The following SEMA5A variants were observed in gnomAD, a reference collection of about 807,000 sequenced individuals.
SEMA5A encodes the protein semaphorin-5A.
In SEMA5A, 55 loss-of-function variants were observed where a neutral mutation model predicts 135.5. That is an observed-to-expected ratio of 0.41 (90% CI 0.33 to 0.51). The LOEUF is 0.51. SEMA5A is among the 20% of genes least tolerant of loss of function. SEMA5A has a pLI of 0.37. For missense variants in SEMA5A, 1,290 were observed against 1,419.9 expected (o/e 0.91, Z 1.47); for synonymous variants, 580 against 546.5 (o/e 1.06, Z -0.85).
intron 3 of SEMA5A, among the ~76,000 whole-genome samples, chr5:9,352,332 A>G (rs1287716479): frequency 6.6e-6 from 1 of 151,718 alleles, no homozygotes; most frequent in East Asian, 1.9e-4. Context: ...ATTTGTATCT[A>G]TCTATCCATC....
In SEMA5A at chr5:9,535,645, A is replaced by G. The variant is rs185671306; in HGVS notation, c.-175+9939T>C. 5.5e-4 allele frequency among the ~76,000 whole-genome samples: 84 copies of G among 152,234 alleles called. No individual in the cohort carries two copies. In the East Asian group the frequency reaches 0.013, roughly 23 times the overall value. On this transcript the variant is annotated intron_variant, in intron 1 of 22. Transcript: ENST00000382496. Reference sequence around the variant, plus strand: ...CAACTCAACCACCTGGGTTGGGTTCAGGTCTTCCCACTTGCTCAGCACCAC... The same window carrying G: ...CAACTCAACCACCTGGGTTGGGTTCGGGTCTTCCCACTTGCTCAGCACCAC...
intron 16 of SEMA5A, among the ~76,000 whole-genome samples, chr5:9,072,563 A>G (rs1408319188): frequency 4.6e-5 from 7 of 152,330 alleles, no homozygotes; most frequent in Middle Eastern, 3.4e-3. Flanking sequence ...AGGACCAGGA[A>G]CAGTGCTTGC....
At chr5:9,050,487 G>A (rs1347089179) in intron 20 of SEMA5A, 30 bp from the exon 21 acceptor site, 1 of 1,599,496 alleles carries the variant, frequency 6.3e-7, no homozygotes, top group Non-Finnish European at 8.6e-7. Flanking sequence ...ATCACAATGT[G>A]TAAAAGGTGT....
rs115595530 is a variant in SEMA5A at position 9,096,904 on chromosome 5, G to T, written c.2073+11236C>A. On this transcript the variant is annotated intron_variant, in intron 16 of 22. Transcript: ENST00000382496. ...AAACCACTATGAGATGTCACCTTAC[G>T]CCTGTTAGGACAGGTACTCTCTATG... Among the ~76,000 whole-genome samples the T allele has an allele frequency of 9.4e-3, 1,431 of 152,120 alleles. 6 individuals are homozygous for T. The highest frequency in any genetic ancestry group is 0.021 in the South Asian group (101 of 4,804).
intron 1 of SEMA5A, among the ~76,000 whole-genome samples, chr5:9,495,188 A>G (rs1375805180): frequency 1.3e-5 from 2 of 152,208 alleles, no homozygotes; most frequent in East Asian, 3.8e-4. Context: ...CGATATCTTC[A>G]GGGATACCTG....
At chr5:9,129,439 G>A (rs1176269265) in intron 13 of SEMA5A, among the ~76,000 whole-genome samples, 1 of 152,226 alleles carries the variant, frequency 6.6e-6, no homozygotes, top group African/African-American at 2.4e-5. Flanking sequence ...AAAAGTACAT[G>A]GGTCTTTGGG....
At chr5:9,161,226 C>A (rs1389353786) in intron 11 of SEMA5A, among the ~76,000 whole-genome samples, 3 of 151,882 alleles carry the variant, frequency 2.0e-5, no homozygotes, top group African/African-American at 4.8e-5. Context: ...TAATGCATTT[C>A]ATGGGAACGC....
chr5:9,480,223 C>A (rs1322177618), intron 1 of SEMA5A, among the ~76,000 whole-genome samples: 3 of 152,156 alleles, frequency 2.0e-5, no homozygotes, highest in Non-Finnish European at 2.9e-5. Flanking sequence ...CCAGTAAAAA[C>A]CAATGGTTCA....
intron 1 of SEMA5A, among the ~76,000 whole-genome samples, chr5:9,505,469 A>T (rs1735825447): frequency 6.6e-6 from 1 of 152,250 alleles, no homozygotes; most frequent in South Asian, 2.1e-4. Flanking sequence ...TTTGGAAAAC[A>T]GGAAATAGTC....
At chr5:9,404,000 T>A (rs759831752) in intron 2 of SEMA5A, among the ~76,000 whole-genome samples, 23 of 152,238 alleles carry the variant, frequency 1.5e-4, no homozygotes, top group Non-Finnish European at 2.2e-4. Context: ...AGTGGCATGA[T>A]CTTGGCTCAC....
intron 6 of SEMA5A, among the ~76,000 whole-genome samples, chr5:9,234,965 G>A (rs765150486): frequency 5.3e-5 from 8 of 152,164 alleles, no homozygotes; most frequent in Non-Finnish European, 1.0e-4. Context: ...ATTTACTTAA[G>A]TTCTAAGCAC....
In SEMA5A at chr5:9,509,259, A is replaced by AATT. The variant is rs112585205; in HGVS notation, c.-175+36322_-175+36324dup. Among the ~76,000 whole-genome samples the AATT allele has an allele frequency of 3.8e-4, 57 of 150,024 alleles. 2 individuals carry two copies. The East Asian group carries it at 6.4e-3, about 17-fold the overall frequency. On this transcript the variant is annotated intron_variant, in intron 1 of 22. Coordinates refer to ENST00000382496, the MANE Select transcript of SEMA5A (RefSeq NM_003966.3). ...GACACTTAGTAGGCATCCAACATAAAATTATTATTATTATTATTATTATTA... is the reference window on the plus strand; with the variant it reads ...GACACTTAGTAGGCATCCAACATAAAATTATTATTATTATTATTATTATTATTA...
intron 2 of SEMA5A, among the ~76,000 whole-genome samples, chr5:9,388,469 GAAAAAAA>G (rs397996757): frequency 9.0e-6 from 1 of 110,502 alleles, no homozygotes; most frequent in South Asian, 2.8e-4. Flanking sequence ...TCCTTTCTAA[GAAAAAAA>G]AAAAAAAGAA....
chr5:9,122,905 A>T lies in SEMA5A; in HGVS notation c.1600-68T>A, dbSNP rs535590677. The T allele has an allele frequency of 9.6e-6, 13 of 1,351,564 alleles. No homozygotes were observed. The South Asian group carries it at 2.0e-4, about 21-fold the overall frequency. 83.7% of individuals were successfully genotyped at this position (1,351,564 alleles called of 1,614,324 possible). On this transcript the variant is annotated intron_variant, in intron 13 of 22. Coordinates refer to ENST00000382496, the MANE Select transcript of SEMA5A (RefSeq NM_003966.3). The stretch of plus-strand genomic sequence containing the variant: ...CTGAACACATAATGGAGTAAAAATT[A>T]AAAATCCCTCATAAGACAATCAAAA...
chr5:9,162,585 T>TATATATATATAC lies in SEMA5A; in HGVS notation c.1274-7891_1274-7890insGTATATATATAT, dbSNP rs370982773. 4.3e-3 allele frequency among the ~76,000 whole-genome samples: 476 copies of TATATATATATAC among 111,906 alleles called. 11 individuals carry two copies. The highest frequency in any genetic ancestry group is 0.038 in the East Asian group (120 of 3,188). 73.4% of individuals were successfully genotyped at this position (111,906 alleles called of 152,430 possible). A position where few individuals can be genotyped will look rare whatever the true frequency, so the allele number is the denominator to read the frequency against. On this transcript the variant is annotated intron_variant, in intron 11 of 22. Coordinates refer to ENST00000382496, the MANE Select transcript of SEMA5A (RefSeq NM_003966.3). ...GTGTGTATATATATATATATATATATACACACACACACACAAACCATCTTT... is the reference window on the plus strand; with the variant it reads ...GTGTGTATATATATATATATATATATATATATATATACACACACACACACACAAACCATCTTT...
At chr5:9,406,988 G>A (rs955254877) in intron 2 of SEMA5A, among the ~76,000 whole-genome samples, 7 of 152,194 alleles carry the variant, frequency 4.6e-5, no homozygotes, top group Non-Finnish European at 8.8e-5. Context: ...TAGCTTCAGC[G>A]TGACTGTCAT....
chr5:9,205,713 T>C (rs1745976627), intron 8 of SEMA5A, among the ~76,000 whole-genome samples: 1 of 152,252 alleles, frequency 6.6e-6, no homozygotes, highest in South Asian at 2.1e-4. Flanking sequence ...CAGTGTGTAG[T>C]GAGTGCTGTT....
At chr5:9,131,067 T>G (rs980070675) in intron 13 of SEMA5A, among the ~76,000 whole-genome samples, 5 of 152,210 alleles carry the variant, frequency 3.3e-5, no homozygotes, top group Non-Finnish European at 5.9e-5. Flanking sequence ...GTTTATTTGC[T>G]CCTTGTATTT....
chr5:9,222,060 T>TGG (rs753053734), intron 8 of SEMA5A, among the ~76,000 whole-genome samples: 16 of 152,028 alleles, frequency 1.1e-4, no homozygotes, highest in Non-Finnish European at 2.2e-4. Context: ...TGGCCCCCCC[T>TGG]GGGGCTGGAT....
Sources: allele counts gnomAD v4.1 joint callset (sites outside exome capture counted in the v4.1 genomes callset), GRCh38; gene constraint gnomAD v4.1.1; transcripts MANE v1.5; gene names NCBI Gene and HGNC (gene_info 2026-07-23, HGNC 2026-07-21).